The following USP42 variants were observed in gnomAD, a reference collection of about 807,000 sequenced individuals.
USP42 encodes the protein ubiquitin specific peptidase 42.
In USP42, 23 loss-of-function variants were observed where a neutral mutation model predicts 113.0. That is an observed-to-expected ratio of 0.20 (90% CI 0.15 to 0.29). The LOEUF is 0.29. Ranked by LOEUF, USP42 falls within the 10% of genes least tolerant of loss-of-function variation. The probability of loss-of-function intolerance (pLI) is 1.00; values close to 1 mark genes in which losing one functional copy is unlikely to be tolerated. For missense variants in USP42, 2,174 were observed against 1,779.8 expected (o/e 1.22, Z -3.99); for synonymous variants, 933 against 699.0 (o/e 1.33, Z -5.28).
chr7:6,118,045 G>A (rs1780010083), intron 3 of USP42, among the ~76,000 whole-genome samples: 1 of 151,902 alleles, frequency 6.6e-6, no homozygotes, highest in East Asian at 1.9e-4. Context: ...TGCATTTTTT[G>A]TTTTGGGAAA....
the USP42 span, among the ~76,000 whole-genome samples, chr7:6,087,986 T>C: frequency 6.6e-6 from 1 of 151,120 alleles, no homozygotes; most frequent in Admixed American, 6.6e-5. Flanking sequence ...ATAGTACCTC[T>C]CAACGGTTAC....
chr7:6,140,755 A>G (rs907998454), intron 6 of USP42, among the ~76,000 whole-genome samples, 159 bp from the exon 7 acceptor site: 3 of 152,248 alleles, frequency 2.0e-5, no homozygotes, highest in African/African-American at 4.8e-5. Flanking sequence ...TTTCACCCAT[A>G]TTATGAGTAG....
chr7:6,151,320 C>A (rs988551048), intron 14 of USP42, among the ~76,000 whole-genome samples: 1 of 152,220 alleles, frequency 6.6e-6, no homozygotes, highest in Non-Finnish European at 1.5e-5. Context: ...AGTAAACACA[C>A]CTTAGCTTAC....
chr7:6,160,497 A>AGCCCTACAC (rs1782712501), intron 17 of USP42, 58 bp from the exon 18 acceptor site: 1 of 152,066 alleles, frequency 6.6e-6, no homozygotes, highest in Admixed American at 6.6e-5. Flanking sequence ...TCCGGGAATA[A>AGCCCTACAC]GCCCTACACG....
intron 3 of USP42, among the ~76,000 whole-genome samples, chr7:6,135,081 C>T (rs985307822): frequency 3.3e-5 from 5 of 152,184 alleles, no homozygotes; most frequent in Non-Finnish European, 5.9e-5. Context: ...TGAGCCATGG[C>T]GCCTGGCTTC....
intron 12 of USP42, among the ~76,000 whole-genome samples, chr7:6,148,535 C>T (rs1417819224): frequency 1.3e-5 from 2 of 152,284 alleles, no homozygotes; most frequent in South Asian, 2.1e-4. Flanking sequence ...TACAAGAACA[C>T]GTTTGTTAGG....
At position 6,154,771 on chromosome 7, in the gene USP42, G is replaced by T. The variant is rs894304301; in HGVS notation, c.3217G>T (p.Asp1073Tyr). 1.9e-6 allele frequency: 3 copies of T among 1,554,564 alleles called. No individual in the cohort carries two copies. Among genetic ancestry groups the T allele is most frequent in the East Asian group, 2.4e-5 (1 of 41,066 alleles). The part of the protein sequence containing the change: ...HDRYALYAAR[D>Y]WKPFHGGREH... ...CAGGTACGCCCTGTACGCTGCCCGG[G>T]ACTGGAAGCCCTTCCACGGCGGCCG... The change falls in exon 15 of 18, where the codon GAC becomes TAC. Residue 1073 changes from aspartate (D) to tyrosine (Y), a missense_variant. Physicochemically the swap from Asp to Tyr is radical, Grantham distance 160. Transcript: ENST00000306177.
chr7:6,087,254 C>T, the USP42 span, among the ~76,000 whole-genome samples: 1 of 150,752 alleles, frequency 6.6e-6, no homozygotes, highest in East Asian at 1.9e-4. Flanking sequence ...TGGTCTGGAA[C>T]TCCTGACCTC....
At chr7:6,091,483 C>T in the USP42 span, among the ~76,000 whole-genome samples, 1 of 150,698 alleles carries the variant, frequency 6.6e-6, no homozygotes, top group South Asian at 2.1e-4. Flanking sequence ...CTACTTTGGC[C>T]TCCCCAAATG....
chr7:6,159,380 C>T lies in USP42; in HGVS notation c.3944-70C>T, dbSNP rs1562864721. 1 of 1,606,800 alleles carries T rather than the reference C, an allele frequency of 6.2e-7. No homozygotes were observed. The highest frequency in any genetic ancestry group is 1.3e-5 in the African/African-American group (1 of 74,716). ...ACTCTGACCATAGCCACTTAACGCA[C>T]ACACACAGCAGAGGCCCTGGCGATT... On this transcript the variant is annotated intron_variant, in intron 16 of 17. Coordinates refer to ENST00000306177, the MANE Select transcript of USP42 (RefSeq NM_032172.3). The surrounding 1 kb of genome is among the most constrained non-coding windows in gnomAD (Gnocchi z 4.1).
At chr7:6,083,205 G>A in the USP42 span, among the ~76,000 whole-genome samples, 1 of 146,790 alleles carries the variant, frequency 6.8e-6, no homozygotes, top group African/African-American at 2.6e-5. Flanking sequence ...GGTTACAGGC[G>A]TGAGCCACCG....
rs1457354818 is a variant in USP42, at chr7:6,159,986, G to A, written c.*36+493G>A. On this transcript the variant is annotated intron_variant, in intron 17 of 17. Transcript: ENST00000306177. This position sits in a 1 kb window ranked among gnomAD's most constrained non-coding sequence, Gnocchi z 4.1. ...CAGCCACCGTACAAAACCATAGGAA[G>A]GTGGCCCAGGGCCGGGCGGCAGATC... is the stretch of plus-strand genomic sequence containing the variant. Among the ~76,000 whole-genome samples, 2 of 152,256 alleles carry A rather than the reference G, an allele frequency of 1.3e-5. No individual in the cohort carries two copies. The highest frequency in any genetic ancestry group is 4.8e-5 in the African/African-American group (2 of 41,470).
chr7:6,103,349 C>A (rs1790189823), upstream of USP42, among the ~76,000 whole-genome samples: 1 of 150,462 alleles, frequency 6.6e-6, no homozygotes, highest in East Asian at 1.9e-4. Flanking sequence ...CCAGCCTGAC[C>A]AACATGGTGA....
In USP42 at chr7:6,157,530, C is replaced by A. The variant is rs140937463; in HGVS notation, c.3943+475C>A. Reference sequence around the variant, plus strand: ...CTCCTGCCTCAGCCTCCTGAGTAGCCGGGACTACAGGCGCCCGCCACCACG... The same window carrying A: ...CTCCTGCCTCAGCCTCCTGAGTAGCAGGGACTACAGGCGCCCGCCACCACG... On this transcript the variant is annotated intron_variant, in intron 16 of 17. Transcript: ENST00000306177. This position sits in a 1 kb window ranked among gnomAD's most constrained non-coding sequence, Gnocchi z 4.1. 2 of 412,368 alleles carry A rather than the reference C, an allele frequency of 4.9e-6. No homozygotes were observed. Among genetic ancestry groups the A allele is most frequent in the Non-Finnish European group, 6.5e-6 (2 of 306,630 alleles). The allele number at this position is 412,368 out of a possible 1,614,324, so 25.5% of individuals were successfully genotyped here.
At chr7:6,097,633 C>G in the USP42 span, among the ~76,000 whole-genome samples, 1 of 150,068 alleles carries the variant, frequency 6.7e-6, no homozygotes, top group Non-Finnish European at 1.5e-5. Flanking sequence ...CTCTGTCACC[C>G]AGGCTGGAGT....
At chr7:6,107,027 A>G (rs1327693587) in intron 1 of USP42, among the ~76,000 whole-genome samples, 1 of 152,254 alleles carries the variant, frequency 6.6e-6, no homozygotes, top group African/African-American at 2.4e-5. Context: ...TTTAGCTTCA[A>G]GAAAGGTTAT....
chr7:6,147,408 C>T (rs1374817956), intron 11 of USP42, among the ~76,000 whole-genome samples: 1 of 152,158 alleles, frequency 6.6e-6, no homozygotes, highest in Non-Finnish European at 1.5e-5. Context: ...TGTTCCTCTG[C>T]AGTCCAGCCT....
intron 12 of USP42, among the ~76,000 whole-genome samples, chr7:6,148,893 G>C (rs922923896): frequency 1.3e-5 from 2 of 152,232 alleles, no homozygotes; most frequent in Non-Finnish European, 2.9e-5. Flanking sequence ...CATGTGCCCT[G>C]TAGGAAGGGG....
intron 10 of USP42, 79 bp downstream of exon 10, chr7:6,145,735 G>C: frequency 6.8e-7 from 1 of 1,480,110 alleles, no homozygotes; most frequent in Non-Finnish European, 9.2e-7. Flanking sequence ...GGTAGGGAGA[G>C]GTGGAACTTT....
Sources: allele counts gnomAD v4.1 joint callset (sites outside exome capture counted in the v4.1 genomes callset), GRCh38; gene constraint gnomAD v4.1.1; non-coding constraint Gnocchi (gnomAD v3.1); transcripts MANE v1.5; gene names NCBI Gene and HGNC (gene_info 2026-07-23, HGNC 2026-07-21).